The following PDK1 variants were observed in gnomAD, a reference collection of about 807,000 sequenced individuals.
The protein encoded by PDK1 is [Pyruvate dehydrogenase (acetyl-transferring)] kinase isozyme 1, mitochondrial.
PDK1 carries 39 observed loss-of-function variants against 54.2 expected under a neutral mutation model. That is an observed-to-expected ratio of 0.72 (90% CI 0.56 to 0.94). The LOEUF (loss-of-function observed/expected upper bound fraction) is 0.94. Ranked by LOEUF, PDK1 falls within the 40% of genes least tolerant of loss-of-function variation. The pLI is 0.00. For missense variants in PDK1, 552 were observed against 566.0 expected, an observed-to-expected ratio of 0.98 and a Z score of 0.25; for synonymous variants, 221 against 207.1, an observed-to-expected ratio of 1.07 and a Z score of -0.58.
At chr2:172,612,013 AT>A (rs1691478626), downstream of PDK1, among the ~76,000 whole-genome samples, 1 of 152,238 alleles carries the variant, frequency 6.6e-6, no homozygotes, top group South Asian at 2.1e-4. Context: ...AATGGAATAA[AT>A]CAAACACATA....
rs974046917 is a variant in PDK1 at position 172,587,203 on chromosome 2, A to G, written c.1056+815A>G. Among the ~76,000 whole-genome samples the G allele has an allele frequency of 2.6e-5, 4 of 152,196 alleles. No individual in the cohort carries two copies. The East Asian group carries it at 7.7e-4, about 29-fold the overall frequency. On this transcript the variant is annotated intron_variant, in intron 9 of 10. Coordinates refer to ENST00000282077, the MANE Select transcript of PDK1 (RefSeq NM_002610.5). ...CAAGAATGAAGCTGCGGACCCTCGC[A>G]GTGTTACAGTTCTTAAAGATGGTGT...
chr2:172,560,394 C>A (rs1363750703), intron 2 of PDK1, among the ~76,000 whole-genome samples: 1 of 152,156 alleles, frequency 6.6e-6, no homozygotes, highest in East Asian at 1.9e-4. Context: ...TTGTGAACTC[C>A]TGGGCTCAAG....
downstream of PDK1, among the ~76,000 whole-genome samples, chr2:172,611,816 A>G (rs1273126730): frequency 6.6e-6 from 1 of 152,262 alleles, no homozygotes; most frequent in Admixed American, 6.5e-5. Flanking sequence ...ATTGACATAG[A>G]AGAAGCATTT....
At chr2:172,654,501 A>G in the PDK1 span, among the ~76,000 whole-genome samples, 2 of 151,996 alleles carry the variant, frequency 1.3e-5, no homozygotes, top group South Asian at 2.1e-4. Flanking sequence ...TGAGCAAACT[A>G]TCGCAAGGAC....
chr2:172,620,344 C>T, the PDK1 span, among the ~76,000 whole-genome samples: 1 of 152,058 alleles, frequency 6.6e-6, no homozygotes, highest in Admixed American at 6.5e-5. Context: ...ATACAGTGAA[C>T]AACCTTGCCC....
At chr2:172,621,717 T>TTATATGTTTATATCTCA in the PDK1 span, among the ~76,000 whole-genome samples, 1 of 137,684 alleles carries the variant, frequency 7.3e-6, no homozygotes, top group African/African-American at 2.8e-5. Flanking sequence ...ATCAAACATG[T>TTATATGTTTATATCTCA]TATATGTTTA....
chr2:172,616,671 A>C, the PDK1 span, among the ~76,000 whole-genome samples: 1 of 152,220 alleles, frequency 6.6e-6, no homozygotes, highest in African/African-American at 2.4e-5. Context: ...ATTATGCTAC[A>C]TAATTTACTT....
At chr2:172,612,104 T>C (rs1225685923), downstream of PDK1, among the ~76,000 whole-genome samples, 4 of 152,254 alleles carry the variant, frequency 2.6e-5, no homozygotes, top group Admixed American at 2.6e-4. Flanking sequence ...AAATGTATAA[T>C]GCAGTTGGAA....
In PDK1 at chr2:172,595,924, C is replaced by G. The variant is rs188155356; in HGVS notation, c.1266C>G (p.Val422=). The change falls in exon 11 of 11, where the codon GTC becomes GTG. Residue 422 remains valine, a synonymous_variant. Coordinates refer to ENST00000282077, the MANE Select transcript of PDK1 (RefSeq NM_002610.5). ...ACCACGAGGCTGATGACTGGTGCGT[C>G]CCCAGCAGAGAACCCAAAGACATGA... ...NTNHEADDWC[V]PSREPKDMTT... The G allele has an allele frequency of 8.3e-5, 134 of 1,613,696 alleles. No individual in the cohort carries two copies. The highest frequency in any genetic ancestry group is 1.1e-4 in the Non-Finnish European group (131 of 1,179,768).
In PDK1 at chr2:172,564,988, T is replaced by C. The variant is rs767257292; in HGVS notation, c.606T>C (p.Phe202=). ...TTCCTTTTTGGATAGCTTTATTGTT[T>C]GGTGGAAAAGGCAAAGGAAGTCCAT... The part of the protein sequence containing the change: ...RMLLNQHSLL[F]GGKGKGSPSH... The change falls in exon 5 of 11, where the codon TTT becomes TTC. Residue 202 remains phenylalanine (F), a synonymous_variant. Coordinates refer to ENST00000282077, the MANE Select transcript of PDK1 (RefSeq NM_002610.5). The C allele has an allele frequency of 2.5e-6, 4 of 1,611,326 alleles. No homozygotes were observed. The highest frequency in any genetic ancestry group is 3.4e-6 in the Non-Finnish European group (4 of 1,177,590).
the PDK1 span, among the ~76,000 whole-genome samples, chr2:172,698,973 G>C: frequency 6.6e-6 from 1 of 152,170 alleles, no homozygotes; most frequent in Non-Finnish European, 1.5e-5. Context: ...GATTTAAGGA[G>C]AGTGCCTTGA....
the PDK1 span, among the ~76,000 whole-genome samples, chr2:172,636,447 C>T: frequency 7.9e-5 from 12 of 152,140 alleles, no homozygotes; most frequent in African/African-American, 2.2e-4. Flanking sequence ...CAGCCGGGCG[C>T]GATGGCTCAT....
chr2:172,693,522 G>A, the PDK1 span, among the ~76,000 whole-genome samples: 2 of 152,216 alleles, frequency 1.3e-5, no homozygotes, highest in Non-Finnish European at 2.9e-5. Flanking sequence ...AAAATGCTTA[G>A]AAGGTACCTG....
At chr2:172,683,922 T>TAG in the PDK1 span, among the ~76,000 whole-genome samples, 46 of 152,316 alleles carry the variant, frequency 3.0e-4, no homozygotes, top group Admixed American at 2.6e-3. Context: ...CTTTGCCTTT[T>TAG]AGAAGCAGGA....
chr2:172,679,438 C>T, the PDK1 span, among the ~76,000 whole-genome samples: 2 of 152,098 alleles, frequency 1.3e-5, no homozygotes, highest in Admixed American at 1.3e-4. Flanking sequence ...CAGGGCAAGA[C>T]TCTGTCTCTT....
chr2:172,709,602 T>C, the PDK1 span, among the ~76,000 whole-genome samples: 43,075 of 151,928 alleles, frequency 0.28, 7,151 homozygotes, highest in African/African-American at 0.47. Context: ...ACATTGTGTA[T>C]CAATTTCAGT....
chr2:172,602,121 G>A lies in PDK1; in HGVS notation c.*6152G>A, dbSNP rs1427321938. 1 of 152,116 alleles carries A rather than the reference G, an allele frequency of 6.6e-6. No individual in the cohort carries two copies. Among genetic ancestry groups the A allele is most frequent in the Admixed American group, 6.5e-5 (1 of 15,270 alleles). The allele number at this position is 152,116 out of a possible 1,614,324, so 9.4% of individuals were successfully genotyped here. On this transcript the variant is annotated 3_prime_UTR_variant, in exon 11 of 11. Coordinates refer to ENST00000282077, the MANE Select transcript of PDK1 (RefSeq NM_002610.5). ...CTGTCTTATAGAAACTTTGAAATGA[G>A]AGAAAGCTACCCAACCCATTTCAGA...
At chr2:172,684,859 C>T in the PDK1 span, among the ~76,000 whole-genome samples, 222 of 152,278 alleles carry the variant, frequency 1.5e-3, no homozygotes, top group Non-Finnish European at 2.0e-3. Context: ...CTCCATGTCC[C>T]TATCCAAATC....
the PDK1 span, among the ~76,000 whole-genome samples, chr2:172,688,955 C>T: frequency 6.6e-6 from 1 of 152,198 alleles, no homozygotes; most frequent in African/African-American, 2.4e-5. Context: ...AGTGTTACAG[C>T]TCTTAAAGGT....
Sources: allele counts gnomAD v4.1 joint callset (sites outside exome capture counted in the v4.1 genomes callset), GRCh38; gene constraint gnomAD v4.1.1; transcripts MANE v1.5; gene names NCBI Gene and HGNC (gene_info 2026-07-23, HGNC 2026-07-21).